The following MAP7D1 variants were observed in gnomAD, a reference collection of about 807,000 sequenced individuals.
MAP7D1 encodes the protein MAP7 domain containing 1, also known as MAP7 domain-containing protein 1.
MAP7D1 carries 30 observed loss-of-function variants against 97.5 expected under a neutral mutation model. That is an observed-to-expected ratio of 0.31 (90% CI 0.23 to 0.42). The LOEUF is 0.42. Among genes scored for constraint, MAP7D1 ranks in the 10% least tolerant of loss-of-function variants. MAP7D1 has a pLI of 1.00. For synonymous variants in MAP7D1, 536 were observed against 477.1 expected, an observed-to-expected ratio of 1.12 and a Z score of -1.61; for missense variants, 1,184 against 1,179.5, an observed-to-expected ratio of 1.00 and a Z score of -0.06.
chr1:36,167,820 G>C (rs1273880512), intron 1 of MAP7D1, among the ~76,000 whole-genome samples: 12 of 152,198 alleles, frequency 7.9e-5, no homozygotes, highest in Admixed American at 7.9e-4. Flanking sequence ...GGGACTCACT[G>C]ACTGTCTTGC....
chr1:36,171,487 T>A, intron 2 of MAP7D1, 26 bp from the exon 3 acceptor site: 2 of 1,613,504 alleles, frequency 1.2e-6, no homozygotes, highest in Non-Finnish European at 1.7e-6. Context: ...CCTTTTGACC[T>A]GTCTGTTCTT....
intron 15 of MAP7D1, 22 bp downstream of exon 15, chr1:36,179,778 G>C (rs1191434939): frequency 1.9e-6 from 3 of 1,543,654 alleles, no homozygotes; most frequent in Non-Finnish European, 2.6e-6. Context: ...CAATCCCAGG[G>C]TCCCTGAGCA....
chr1:36,171,714 C>T, intron 3 of MAP7D1, 133 bp downstream of exon 3: 1 of 841,074 alleles, frequency 1.2e-6, no homozygotes, highest in Non-Finnish European at 1.9e-6. Flanking sequence ...GGGCGAATCA[C>T]CTGAGGTCAG....
chr1:36,167,629 C>T (rs1431629747), intron 1 of MAP7D1, among the ~76,000 whole-genome samples: 1 of 152,216 alleles, frequency 6.6e-6, no homozygotes, highest in Non-Finnish European at 1.5e-5. Context: ...ACTGTGGTTA[C>T]ACAGGCTCAG....
rs548242767 is a variant in MAP7D1 at position 36,171,535 on chromosome 1, A to G, written c.414A>G (p.Arg138=). The change falls in exon 3 of 17, where the codon AGA becomes AGG. Residue 138 remains arginine, a synonymous_variant. Transcript: ENST00000474796. ...TKQEVKKAGE[R]HKLAKERREE... is the part of the protein sequence containing the mutation. ...CAGAGGTGAAGAAGGCAGGAGAGAGACACAAGCTGGCAAAGGAGCGGCGAG... is the reference window on the plus strand; with the variant it reads ...CAGAGGTGAAGAAGGCAGGAGAGAGGCACAAGCTGGCAAAGGAGCGGCGAG... 19 of 1,614,066 alleles carry G rather than the reference A, an allele frequency of 1.2e-5. No homozygotes were observed. The highest frequency in any genetic ancestry group is 1.4e-5 in the Non-Finnish European group (17 of 1,180,040).
At chr1:36,166,098 AAGG>A (rs1167054106) in intron 1 of MAP7D1, among the ~76,000 whole-genome samples, 1 of 152,120 alleles carries the variant, frequency 6.6e-6, no homozygotes, top group Non-Finnish European at 1.5e-5. Context: ...TAAAGACCTG[AAGG>A]AGGGGAGGGA....
chr1:36,172,654 T>C (rs1246299205), intron 4 of MAP7D1, 27 bp downstream of exon 4: 17 of 1,526,846 alleles, frequency 1.1e-5, no homozygotes, highest in Non-Finnish European at 1.4e-5. Context: ...CGTGAATCCA[T>C]GTACACGTGT....
At chr1:36,179,234 G>A in intron 12 of MAP7D1, 28 bp from the exon 13 acceptor site, 2 of 1,612,874 alleles carry the variant, frequency 1.2e-6, no homozygotes, top group Non-Finnish European at 8.5e-7. Context: ...CGGGGCTCGA[G>A]CCTAACTGAT....
At chr1:36,169,867 G>C (rs1570143808) in intron 1 of MAP7D1, among the ~76,000 whole-genome samples, 1 of 152,280 alleles carries the variant, frequency 6.6e-6, no homozygotes, top group Admixed American at 6.5e-5. Flanking sequence ...CCAGGCATGG[G>C]CCTGTAATCC....
rs1354485357 is a variant in MAP7D1 at position 36,178,076 on chromosome 1, A to G, written c.1583A>G (p.Gln528Arg). The G allele has an allele frequency of 6.2e-7, 1 of 1,609,700 alleles. No homozygotes were observed. The highest frequency in any genetic ancestry group is 8.5e-7 in the Non-Finnish European group (1 of 1,178,264). The change falls in exon 9 of 17, where the codon CAG (glutamine) becomes CGG (arginine). Residue 528 changes from glutamine (Q) to arginine (R), a missense_variant. Physicochemically the swap from Gln to Arg is conservative, Grantham distance 43. Transcript: ENST00000474796. ...GCCGCAGGGCCCGAGGACAAGAGCC[A>G]GAGCAAGCGCAGGGCCAGTAACGAG... is the stretch of plus-strand genomic sequence containing the variant. ...PSAAGPEDKS[Q>R]SKRRASNEKE... is the part of the protein sequence containing the mutation.
chr1:36,161,863 A>ATGTGTGTGTGTGTG (rs371183852), intron 1 of MAP7D1, among the ~76,000 whole-genome samples: 1 of 137,846 alleles, frequency 7.3e-6, no homozygotes, highest in Admixed American at 7.4e-5. Context: ...TTTCCTCTGC[A>ATGTGTGTGTGTGTG]TGTGTGTGTG....
rs1364932806 is a variant in MAP7D1, at chr1:36,175,072, G to C, written c.850+64G>C. Reference sequence around the variant, plus strand: ...TGTAGCTCCCACCAAGCCTCCTCCAGAGCTCAGCAAGAACACCAGGTCCCT... The same window carrying C: ...TGTAGCTCCCACCAAGCCTCCTCCACAGCTCAGCAAGAACACCAGGTCCCT... On this transcript the variant is annotated intron_variant, in intron 6 of 16. Transcript: ENST00000474796. 4.6e-6 allele frequency: 5 copies of C among 1,097,608 alleles called. No homozygotes were observed. The Admixed American group carries it at 8.8e-5, about 19-fold the overall frequency. 68.0% of individuals were successfully genotyped at this position (1,097,608 alleles called of 1,614,324 possible). A position where few individuals can be genotyped will look rare whatever the true frequency, so the allele number is the denominator to read the frequency against.
At chr1:36,157,857 T>C (rs1324577072) in intron 1 of MAP7D1, among the ~76,000 whole-genome samples, 1 of 151,984 alleles carries the variant, frequency 6.6e-6, no homozygotes, top group Non-Finnish European at 1.5e-5. Flanking sequence ...GACTGGTGGG[T>C]TTCAGGAGGC....
chr1:36,172,726 C>T, intron 4 of MAP7D1, 99 bp downstream of exon 4: 1 of 1,262,378 alleles, frequency 7.9e-7, no homozygotes, highest in Non-Finnish European at 1.0e-6. Context: ...TCTGCCTTAT[C>T]TGTGTCTATG....
In MAP7D1 at chr1:36,173,410, C is replaced by G; in HGVS notation, c.671C>G (p.Ala224Gly). Residue 224 changes from alanine to glycine, a missense_variant, in exon 5 of 17, where the codon GCC becomes GGC. Transcript: ENST00000474796. Reference sequence around the variant, plus strand: ...CAACGGTCAGTGAAGAAGACGTGGGCCGAAATCCGGCAGCAGCGCTGGTCC... The same window carrying G: ...CAACGGTCAGTGAAGAAGACGTGGGGCGAAATCCGGCAGCAGCGCTGGTCC... ...AIQRSVKKTWAEIRQQRWSWA... is the reference protein window; with the variant it reads ...AIQRSVKKTWGEIRQQRWSWA... 1 of 1,614,070 alleles carries G rather than the reference C, an allele frequency of 6.2e-7. No individual in the cohort carries two copies. Among genetic ancestry groups the G allele is most frequent in the Non-Finnish European group, 8.5e-7 (1 of 1,179,998 alleles).
At chr1:36,173,541 G>A (rs1644577724) in intron 5 of MAP7D1, 63 bp downstream of exon 5, 3 of 1,261,172 alleles carry the variant, frequency 2.4e-6, no homozygotes, top group East Asian at 4.9e-5. Flanking sequence ...TAAGGGAAGG[G>A]AACAACTTCC....
At chr1:36,160,038 A>G (rs1045750370) in intron 1 of MAP7D1, among the ~76,000 whole-genome samples, 2 of 152,180 alleles carry the variant, frequency 1.3e-5, no homozygotes, top group Non-Finnish European at 2.9e-5. Flanking sequence ...GAGGGAAGGG[A>G]CTGAAAGCTG....
intron 1 of MAP7D1, among the ~76,000 whole-genome samples, chr1:36,167,116 A>C (rs1644483341): frequency 6.6e-6 from 1 of 152,124 alleles, no homozygotes; most frequent in Non-Finnish European, 1.5e-5. Context: ...TGGTATTTAA[A>C]TCTGTGAGTC....
At position 36,179,949 on chromosome 1, in the gene MAP7D1, C is replaced by A; in HGVS notation, c.2394C>A (p.Phe798Leu). Reference protein sequence around the residue: ...QPLPAHQENGFSTNGPSGDKS... With the variant: ...QPLPAHQENGLSTNGPSGDKS... ...TCCCAGCACACCAGGAGAATGGCTTCTCCACCAACGGACCCTCTGGGGACA... is the reference window on the plus strand; with the variant it reads ...TCCCAGCACACCAGGAGAATGGCTTATCCACCAACGGACCCTCTGGGGACA... Residue 798 changes from phenylalanine to leucine, a missense_variant, in exon 16 of 17, where the codon TTC becomes TTA. Phe to Leu is a conservative substitution (Grantham distance 22). Coordinates refer to ENST00000474796, the MANE Select transcript of MAP7D1 (RefSeq NM_001388490.1). 1 of 1,614,188 alleles carries A rather than the reference C, an allele frequency of 6.2e-7. No individual in the cohort carries two copies. Among genetic ancestry groups the A allele is most frequent in the Non-Finnish European group, 8.5e-7 (1 of 1,180,014 alleles).
Sources: gnomAD v4.1 joint callset for allele counts (sites outside exome capture counted in the v4.1 genomes callset) on GRCh38, gnomAD v4.1.1 for gene constraint, MANE v1.5 for transcripts, NCBI Gene and HGNC (gene_info 2026-07-23, HGNC 2026-07-21) for gene names.